The following VOPP1 variants were observed in gnomAD, a reference collection of about 807,000 sequenced individuals.
The protein encoded by VOPP1 is VOPP1 WW domain binding protein.
In VOPP1, 8 loss-of-function variants were observed where a neutral mutation model predicts 23.5. The ratio of observed to expected loss-of-function variants is 0.34; its 90% CI spans 0.20 to 0.61. VOPP1 has a LOEUF of 0.61. Among genes scored for constraint, VOPP1 ranks in the 20% least tolerant of loss-of-function variants. The probability of loss-of-function intolerance (pLI) is 0.78; values close to 1 mark genes in which losing one functional copy is unlikely to be tolerated. For synonymous variants in VOPP1, 83 were observed against 97.3 expected, an observed-to-expected ratio of 0.85 and a Z score of 0.86; for missense variants, 174 against 238.1, an observed-to-expected ratio of 0.73 and a Z score of 1.77.
chr7:55,473,024 G>C lies in VOPP1; in HGVS notation c.350C>G (p.Pro117Arg), dbSNP rs1791951346. The change falls in exon 5 of 5, where the codon CCC (proline) becomes CGC (arginine). Residue 117 changes from proline (P) to arginine (R), a missense_variant. By Grantham distance (103) the Pro-to-Arg change is moderately radical. Coordinates refer to ENST00000285279, the MANE Select transcript of VOPP1 (RefSeq NM_030796.5). ...PGPGAQQPGP[P>R]YYTDPGGPGM... is the part of the protein sequence containing the mutation. ...CGGTCCTCCTGGGTCGGTGTAATAG[G>C]GCGGCCCCGGCTGCTGGGCTCCTGA... 1 of 1,598,244 alleles carries C rather than the reference G, an allele frequency of 6.3e-7. No individual in the cohort carries two copies. Among genetic ancestry groups the C allele is most frequent in the Admixed American group, 1.8e-5 (1 of 56,304 alleles).
chr7:55,521,671 T>C, intron 1 of VOPP1: 1 of 987,334 alleles, frequency 1.0e-6, no homozygotes, highest in Non-Finnish European at 1.2e-6. Flanking sequence ...TGGGAGCCTC[T>C]CCTGGGCTTT....
intron 1 of VOPP1, among the ~76,000 whole-genome samples, chr7:55,550,353 A>G (rs1038702811): frequency 7.2e-5 from 11 of 152,242 alleles, no homozygotes; most frequent in Non-Finnish European, 1.5e-4. Context: ...CAAACCTTGT[A>G]ACACAGGCAA....
At chr7:55,553,787 A>T in intron 1 of VOPP1, 1 of 153,014 alleles carries the variant, frequency 6.5e-6, no homozygotes, top group Non-Finnish European at 1.4e-5. Flanking sequence ...ACACACACAC[A>T]CACACACACA....
intron 1 of VOPP1, among the ~76,000 whole-genome samples, chr7:55,556,634 G>GA (rs1797814126): frequency 1.7e-5 from 1 of 58,826 alleles, no homozygotes; most frequent in Admixed American, 2.1e-4. Flanking sequence ...AAAGCTGTTG[G>GA]AACCCCCCCC....
chr7:55,455,679 T>C (rs1206300110), intron 4 of VOPP1, among the ~76,000 whole-genome samples: 4 of 152,036 alleles, frequency 2.6e-5, no homozygotes, highest in Non-Finnish European at 5.9e-5. Flanking sequence ...CTTTCACAAA[T>C]CTGACAAAAA....
At chr7:55,492,152 G>A in intron 4 of VOPP1, 130 bp downstream of exon 4, 2 of 1,317,704 alleles carry the variant, frequency 1.5e-6, no homozygotes, top group Non-Finnish European at 1.0e-6. Context: ...CTGGTCATCA[G>A]AACTAAAAAA....
At chr7:55,522,925 A>G (rs1157750355) in intron 1 of VOPP1, among the ~76,000 whole-genome samples, 1 of 152,244 alleles carries the variant, frequency 6.6e-6, no homozygotes, top group East Asian at 1.9e-4. Flanking sequence ...TGCATTTCAG[A>G]AAGGACTTTT....
chr7:55,499,407 G>A (rs547087853), intron 2 of VOPP1, among the ~76,000 whole-genome samples: 15 of 152,330 alleles, frequency 9.8e-5, no homozygotes, highest in African/African-American at 3.4e-4. Flanking sequence ...AGCCAAGATC[G>A]TGCCACTTGC....
rs187221548 is a variant in VOPP1, at chr7:55,440,375, A to G, written n.418-4201T>C. Among the ~76,000 whole-genome samples the G allele has an allele frequency of 2.2e-4, 34 of 152,248 alleles. No individual in the cohort carries two copies. The East Asian group carries it at 5.4e-3, about 24-fold the overall frequency. ...CCAGCCACCTGTCCTACACAGTGGCACTCTGACCTTCACTCTGGGCAAGAG... is the reference window on the plus strand; with the variant it reads ...CCAGCCACCTGTCCTACACAGTGGCGCTCTGACCTTCACTCTGGGCAAGAG... On this transcript the variant is annotated intron_variant and non_coding_transcript_variant, in intron 4 of 4. Coordinates refer to the VOPP1 transcript ENST00000462326.
At chr7:55,571,752 C>G (rs1212353850) in intron 1 of VOPP1, 1 of 152,880 alleles carries the variant, frequency 6.5e-6, no homozygotes, top group Non-Finnish European at 1.5e-5. Context: ...CGCCTCCTCC[C>G]GCTGCTCACC....
downstream of VOPP1, chr7:55,470,496 G>A (rs1791751185): frequency 6.6e-6 from 1 of 152,112 alleles, no homozygotes; most frequent in Admixed American, 6.5e-5. Context: ...CCTGAGACCA[G>A]GTGCATCCTC....
downstream of VOPP1, among the ~76,000 whole-genome samples, chr7:55,467,320 A>G (rs1791657444): frequency 6.6e-6 from 1 of 152,234 alleles, no homozygotes; most frequent in Non-Finnish European, 1.5e-5. Context: ...GGTGAGGGGC[A>G]GGAGGGAGTC....
At chr7:55,469,891 G>A (rs1290631436), downstream of VOPP1, among the ~76,000 whole-genome samples, 1 of 152,128 alleles carries the variant, frequency 6.6e-6, no homozygotes, top group African/African-American at 2.4e-5. Flanking sequence ...CATGCTTTAA[G>A]AAGGCAAAAA....
chr7:55,469,732 A>C (rs1389468146), downstream of VOPP1, among the ~76,000 whole-genome samples: 1 of 152,180 alleles, frequency 6.6e-6, no homozygotes, highest in African/African-American at 2.4e-5. Context: ...TGGCCTACTA[A>C]TTTGGGGGAG....
chr7:55,538,746 G>T, intron 1 of VOPP1: 1 of 1,266,710 alleles, frequency 7.9e-7, no homozygotes, highest in Non-Finnish European at 1.1e-6. Context: ...TCCTATAAAG[G>T]AACGCTTTCT....
chr7:55,445,292 CAG>C (rs1461450626), intron 4 of VOPP1, among the ~76,000 whole-genome samples: 24 of 151,778 alleles, frequency 1.6e-4, no homozygotes, highest in Non-Finnish European at 2.9e-4. Flanking sequence ...CACACACACA[CAG>C]ACACACATAC....
intron 2 of VOPP1, among the ~76,000 whole-genome samples, chr7:55,520,860 G>GA (rs1795797579): frequency 6.6e-6 from 1 of 152,158 alleles, no homozygotes; most frequent in Admixed American, 6.5e-5. Context: ...ACAGGGCACA[G>GA]AATTTCAGGC....
intron 4 of VOPP1, among the ~76,000 whole-genome samples, chr7:55,485,052 C>A (rs1430690974): frequency 1.3e-5 from 2 of 152,216 alleles, no homozygotes; most frequent in Non-Finnish European, 2.9e-5. Context: ...TGCAGGGCTT[C>A]TTTTTGTTTG....
chr7:55,465,418 G>GA (rs1486504397), intron 4 of VOPP1, among the ~76,000 whole-genome samples: 1 of 152,212 alleles, frequency 6.6e-6, no homozygotes, highest in Non-Finnish European at 1.5e-5. Context: ...TGGTGTATGT[G>GA]AAAACCCTTG....
Sources: gnomAD v4.1 joint callset for allele counts (sites outside exome capture counted in the v4.1 genomes callset) on GRCh38, gnomAD v4.1.1 for gene constraint, MANE v1.5 for transcripts, NCBI Gene and HGNC (gene_info 2026-07-23, HGNC 2026-07-21) for gene names.